The following PDE7A variants were observed in gnomAD, a reference collection of about 807,000 sequenced individuals.
PDE7A encodes high affinity 3',5'-cyclic-AMP phosphodiesterase 7A.
Under a neutral mutation model 64.3 loss-of-function variants are expected in PDE7A, and 39 were observed. The ratio of observed to expected loss-of-function variants is 0.61; its 90% CI spans 0.47 to 0.79. The LOEUF is 0.79. Ranked by LOEUF, PDE7A falls within the 30% of genes least tolerant of loss-of-function variation. The probability of loss-of-function intolerance (pLI) is 0.00; values close to 1 mark genes in which losing one functional copy is unlikely to be tolerated. For synonymous variants in PDE7A, 203 were observed against 206.8 expected (o/e 0.98, Z 0.16); for missense variants, 470 against 582.8 (o/e 0.81, Z 1.99).
At chr8:65,830,073 T>C (rs1182637170) in intron 1 of PDE7A, among the ~76,000 whole-genome samples, 1 of 152,108 alleles carries the variant, frequency 6.6e-6, no homozygotes, top group Admixed American at 6.6e-5. Context: ...CTTTACCTCA[T>C]TCCCCTCTGC....
chr8:65,755,086 T>G (rs1808162216), intron 3 of PDE7A, among the ~76,000 whole-genome samples: 1 of 150,050 alleles, frequency 6.7e-6, no homozygotes, highest in Non-Finnish European at 1.5e-5. Context: ...AGTGGTGTGG[T>G]TTCGGCTCAC....
At chr8:65,831,274 G>A (rs1463495816) in intron 1 of PDE7A, among the ~76,000 whole-genome samples, 3 of 152,016 alleles carry the variant, frequency 2.0e-5, no homozygotes, top group Non-Finnish European at 1.5e-5. Context: ...CTACATATTC[G>A]AAGTAAACTT....
At chr8:65,721,124 G>A (rs1806360033) in intron 12 of PDE7A, among the ~76,000 whole-genome samples, 1 of 151,756 alleles carries the variant, frequency 6.6e-6, no homozygotes, top group African/African-American at 2.4e-5. Flanking sequence ...TCTCTTGGAG[G>A]GCAGGACTCT....
chr8:65,818,750 T>C (rs978717108), intron 1 of PDE7A, among the ~76,000 whole-genome samples: 1 of 152,240 alleles, frequency 6.6e-6, no homozygotes, highest in African/African-American at 2.4e-5. Flanking sequence ...GTTGAGCACA[T>C]GCACAGCCTC....
chr8:65,754,199 T>C (rs1416994554), intron 3 of PDE7A, among the ~76,000 whole-genome samples: 2 of 152,122 alleles, frequency 1.3e-5, no homozygotes, highest in Non-Finnish European at 2.9e-5. Flanking sequence ...CATGTTTTTC[T>C]GCTTGCTTTA....
In PDE7A at chr8:65,745,926, G is replaced by T. The variant is rs571451477; in HGVS notation, c.436-456C>A. Among the ~76,000 whole-genome samples, 5 of 151,726 alleles carry T rather than the reference G, an allele frequency of 3.3e-5. No homozygotes were observed. In the South Asian group the frequency reaches 1.0e-3, roughly 31 times the overall value. Reference sequence around the variant, plus strand: ...ACTAAGAACAACACTATCAGATGTTGTTTTCTTTTTTCTTTGAGACAGGGT... The same window carrying T: ...ACTAAGAACAACACTATCAGATGTTTTTTTCTTTTTTCTTTGAGACAGGGT... On this transcript the variant is annotated intron_variant, in intron 4 of 12. Coordinates refer to ENST00000401827, the MANE Select transcript of PDE7A (RefSeq NM_001242318.3).
intron 3 of PDE7A, among the ~76,000 whole-genome samples, chr8:65,756,172 C>T (rs1808232536): frequency 6.6e-6 from 1 of 152,184 alleles, no homozygotes; most frequent in African/African-American, 2.4e-5. Context: ...CAAGTTGCTT[C>T]TCTCTTGCTG....
At chr8:65,743,626 A>G (rs1807539265) in intron 5 of PDE7A, among the ~76,000 whole-genome samples, 1 of 152,236 alleles carries the variant, frequency 6.6e-6, no homozygotes, top group Non-Finnish European at 1.5e-5. Context: ...TAATGGAGTG[A>G]TACTAAAAGA....
intron 3 of PDE7A, among the ~76,000 whole-genome samples, chr8:65,762,673 G>A (rs1057171329): frequency 6.6e-6 from 1 of 152,086 alleles, no homozygotes; most frequent in South Asian, 2.1e-4. Context: ...AATAGACATG[G>A]TCATTATTAT....
chr8:65,738,540 G>A (rs1807254567), intron 6 of PDE7A, among the ~76,000 whole-genome samples: 1 of 152,048 alleles, frequency 6.6e-6, no homozygotes. Context: ...TTGATATCTT[G>A]TGCCTCAGCC....
chr8:65,805,503 A>C (rs1419020317), intron 1 of PDE7A, among the ~76,000 whole-genome samples: 3 of 152,204 alleles, frequency 2.0e-5, no homozygotes, highest in Admixed American at 6.5e-5. Context: ...GTTGACTTCT[A>C]ATTAACCTGT....
At chr8:65,831,192 A>G (rs1182546387) in intron 1 of PDE7A, among the ~76,000 whole-genome samples, 1 of 152,082 alleles carries the variant, frequency 6.6e-6, no homozygotes, top group Admixed American at 6.6e-5. Flanking sequence ...CCTTATACTA[A>G]AGGTCAGAAT....
chr8:65,826,152 G>GT (rs1254444287), intron 1 of PDE7A, among the ~76,000 whole-genome samples: 1 of 152,160 alleles, frequency 6.6e-6, no homozygotes, highest in Non-Finnish European at 1.5e-5. Flanking sequence ...GATTGAAGAG[G>GT]TAGCAGGAAC....
intron 1 of PDE7A, among the ~76,000 whole-genome samples, chr8:65,826,674 C>T (rs1289412832): frequency 2.0e-5 from 3 of 152,148 alleles, no homozygotes; most frequent in African/African-American, 4.8e-5. Flanking sequence ...AAAGAATGAA[C>T]AAATAAATTT....
At chr8:65,818,259 G>A (rs930362862) in intron 1 of PDE7A, among the ~76,000 whole-genome samples, 1 of 151,484 alleles carries the variant, frequency 6.6e-6, no homozygotes, top group Non-Finnish European at 1.5e-5. Context: ...GTTTCTTTAC[G>A]TCTTATAATT....
intron 12 of PDE7A, chr8:65,722,269 A>G (rs149032286): frequency 2.0e-5 from 3 of 152,272 alleles, no homozygotes; most frequent in East Asian, 1.9e-4. Context: ...TCACACTCCT[A>G]AAGTCTGGCC....
At chr8:65,824,666 CAG>C (rs1810625405) in intron 1 of PDE7A, among the ~76,000 whole-genome samples, 1 of 152,232 alleles carries the variant, frequency 6.6e-6, no homozygotes, top group Admixed American at 6.5e-5. Flanking sequence ...CCTCGACCAG[CAG>C]AAAGATTACA....
intron 7 of PDE7A, among the ~76,000 whole-genome samples, chr8:65,732,405 C>T (rs1806933976): frequency 6.6e-6 from 1 of 152,234 alleles, no homozygotes; most frequent in Non-Finnish European, 1.5e-5. Flanking sequence ...CTGCCCTGCT[C>T]ACCACCACAT....
chr8:65,771,026 A>C (rs1421508647), intron 3 of PDE7A: 1 of 385,346 alleles, frequency 2.6e-6, no homozygotes, highest in Non-Finnish European at 5.1e-6. Context: ...ATAAGCCTTA[A>C]GAGAATAAGG....
Sources: allele counts gnomAD v4.1 joint callset (sites outside exome capture counted in the v4.1 genomes callset), GRCh38; gene constraint gnomAD v4.1.1; transcripts MANE v1.5; gene names NCBI Gene and HGNC (gene_info 2026-07-23, HGNC 2026-07-21).